SOX6: variants seen among roughly 807,000 people sequenced by gnomAD.
SOX6 encodes transcription factor SOX-6.
A neutral mutation model predicts 97.8 loss-of-function variants in SOX6; 11 were observed. The observed-to-expected ratio is 0.11, with a 90% CI of 0.07 to 0.19. The LOEUF is 0.19. Ranked by LOEUF, SOX6 falls within the 10% of genes least tolerant of loss-of-function variation. SOX6 has a pLI of 1.00. For missense variants in SOX6, 810 were observed against 1,039.5 expected (o/e 0.78, Z 3.04); for synonymous variants, 360 against 371.4 (o/e 0.97, Z 0.35).
chr11:16,305,015 G>A (rs151130055), intron 3 of SOX6, among the ~76,000 whole-genome samples: 265 of 151,750 alleles, frequency 1.7e-3, no homozygotes, highest in Non-Finnish European at 3.2e-3. Context: ...GTTAGGCAAA[G>A]TATTCTTAGA....
At chr11:16,140,163 C>T (rs915018375) in intron 6 of SOX6, among the ~76,000 whole-genome samples, 16 of 152,084 alleles carry the variant, frequency 1.1e-4, no homozygotes, top group African/African-American at 3.6e-4. Context: ...CAACCTTCAT[C>T]CAATAGGACC....
rs142754375 is a variant in SOX6, at chr11:16,494,142, G to A, written n.610-17754C>T. On this transcript the variant is annotated intron_variant and non_coding_transcript_variant, in intron 4 of 5. Transcript: ENST00000524520. ...CTGTATCCCAGCACTTTGGGAGGCCGAGGTGGGCAGATCACTAGAGGTCAG... is the reference window on the plus strand; with the variant it reads ...CTGTATCCCAGCACTTTGGGAGGCCAAGGTGGGCAGATCACTAGAGGTCAG... 1.2e-3 allele frequency among the ~76,000 whole-genome samples: 186 copies of A among 152,180 alleles called. 1 individual carries two copies. In the Middle Eastern group the frequency reaches 0.014, roughly 11 times the overall value.
intron 9 of SOX6, among the ~76,000 whole-genome samples, chr11:16,064,407 C>A (rs958750170): frequency 6.7e-6 from 1 of 149,066 alleles, no homozygotes; most frequent in African/African-American, 2.6e-5. Flanking sequence ...TATTAAGTAG[C>A]CTACCAGAAT....
At chr11:16,141,407 A>G (rs1314985426) in intron 6 of SOX6, among the ~76,000 whole-genome samples, 2 of 152,140 alleles carry the variant, frequency 1.3e-5, no homozygotes, top group Non-Finnish European at 1.5e-5. Context: ...GCCAAATAGG[A>G]ACAGCTCCAG....
intron 4 of SOX6, among the ~76,000 whole-genome samples, chr11:16,609,769 T>C (rs982977634): frequency 3.3e-5 from 5 of 152,032 alleles, no homozygotes; most frequent in African/African-American, 1.2e-4. Context: ...GCAGAAGAAA[T>C]AGTCATATGC....
At chr11:16,194,252 C>T (rs776027131) in intron 4 of SOX6, among the ~76,000 whole-genome samples, 6 of 152,170 alleles carry the variant, frequency 3.9e-5, no homozygotes, top group Non-Finnish European at 7.3e-5. Context: ...CAGTACAAAA[C>T]CACCACAAAG....
At chr11:15,977,840 C>A (rs1853534613) in intron 15 of SOX6, among the ~76,000 whole-genome samples, 1 of 151,994 alleles carries the variant, frequency 6.6e-6, no homozygotes, top group Non-Finnish European at 1.5e-5. Context: ...CTCAAATATC[C>A]AACTTCTCCC....
chr11:16,516,840 C>T (rs1463898609), intron 4 of SOX6, among the ~76,000 whole-genome samples: 1 of 151,436 alleles, frequency 6.6e-6, no homozygotes, highest in East Asian at 1.9e-4. Context: ...AGGACAGCAT[C>T]ATTCTGATAC....
intron 2 of SOX6, among the ~76,000 whole-genome samples, chr11:16,321,727 C>G (rs200421545): frequency 2.0e-5 from 3 of 151,970 alleles, no homozygotes; most frequent in Non-Finnish European, 4.4e-5. Context: ...GATTTCCCCA[C>G]AAAAGCCACA....
chr11:16,057,616 G>A (rs895833181), intron 9 of SOX6, among the ~76,000 whole-genome samples: 10 of 152,068 alleles, frequency 6.6e-5, no homozygotes, highest in Non-Finnish European at 8.8e-5. Flanking sequence ...TGCCTCTCTT[G>A]TACTGGTGTC....
chr11:16,058,179 T>C (rs1185700859), intron 9 of SOX6, among the ~76,000 whole-genome samples: 1 of 152,066 alleles, frequency 6.6e-6, no homozygotes, highest in South Asian at 2.1e-4. Flanking sequence ...TATGACAGAG[T>C]TTTTGCAACT....
chr11:16,103,963 A>T (rs547222446), intron 7 of SOX6, among the ~76,000 whole-genome samples: 1 of 151,886 alleles, frequency 6.6e-6, no homozygotes, highest in Non-Finnish European at 1.5e-5. Flanking sequence ...CTCAGAAATC[A>T]CCACTATTGA....
chr11:16,452,652 C>T lies in SOX6; in HGVS notation c.-5+23663G>A, dbSNP rs555199397. On this transcript the variant is annotated intron_variant, in intron 1 of 15. Coordinates refer to the SOX6 transcript ENST00000396356. ...TTTCATTTCAATGTGCTGCTATGGC[C>T]TGTATGAGTTGAACTGTAAAAATGA... Among the ~76,000 whole-genome samples, 3 of 152,128 alleles carry T rather than the reference C, an allele frequency of 2.0e-5. No individual in the cohort carries two copies. In the East Asian group the frequency reaches 5.8e-4, roughly 29 times the overall value.
intron 3 of SOX6, among the ~76,000 whole-genome samples, chr11:16,706,444 T>A (rs1848132750): frequency 4.5e-5 from 1 of 22,064 alleles, no homozygotes; most frequent in Non-Finnish European, 7.1e-5. Context: ...AGTGAGAACC[T>A]ATCACAAAAA....
chr11:16,142,623 C>T (rs978163162), intron 6 of SOX6, among the ~76,000 whole-genome samples: 1 of 152,054 alleles, frequency 6.6e-6, no homozygotes, highest in Admixed American at 6.6e-5. Context: ...AGACGAATGG[C>T]TAACTAGAAT....
In SOX6 at chr11:16,291,443, G is replaced by A. The variant is rs573820042; in HGVS notation, c.445+27003C>T. 3.9e-5 allele frequency among the ~76,000 whole-genome samples: 6 copies of A among 151,908 alleles called. No individual in the cohort carries two copies. The South Asian group carries it at 6.2e-4, about 16-fold the overall frequency. ...TGAATGGATGGATGGATGAAAGAAC[G>A]AATAAACAAATAAACCTACCTTGCA... On this transcript the variant is annotated intron_variant, in intron 3 of 15. Coordinates refer to ENST00000683767, the MANE Select transcript of SOX6 (RefSeq NM_001367873.1).
intron 4 of SOX6, among the ~76,000 whole-genome samples, chr11:16,221,827 A>G (rs1242236571): frequency 1.3e-5 from 2 of 152,106 alleles, no homozygotes; most frequent in Non-Finnish European, 1.5e-5. Flanking sequence ...GAAAAGAGTT[A>G]TACACAATGT....
intron 1 of SOX6, among the ~76,000 whole-genome samples, chr11:16,374,612 T>C (rs1857593760): frequency 6.6e-6 from 1 of 152,068 alleles, no homozygotes. Flanking sequence ...TGCCACAATA[T>C]GATTCAAATA....
chr11:16,381,395 T>C (rs1462948442), intron 1 of SOX6, among the ~76,000 whole-genome samples: 1 of 152,044 alleles, frequency 6.6e-6, no homozygotes, highest in African/African-American at 2.4e-5. Context: ...CATCAACAAA[T>C]TCTTTATCAA....
Sources: gnomAD v4.1 joint callset for allele counts (sites outside exome capture counted in the v4.1 genomes callset) on GRCh38, gnomAD v4.1.1 for gene constraint, MANE v1.5 for transcripts, NCBI Gene and HGNC (gene_info 2026-07-23, HGNC 2026-07-21) for gene names.